The following CFAP100 variants were observed in gnomAD, a reference collection of about 807,000 sequenced individuals.
CFAP100 encodes the protein cilia- and flagella-associated protein 100.
A neutral mutation model predicts 81.5 loss-of-function variants in CFAP100; 70 were observed. That is an observed-to-expected ratio of 0.86 (90% CI 0.71 to 1.05). The LOEUF (loss-of-function observed/expected upper bound fraction) is 1.05. Among genes scored for constraint, CFAP100 ranks in the 50% least tolerant of loss-of-function variants. The pLI is 0.00. For synonymous variants in CFAP100, 341 were observed against 314.8 expected (o/e 1.08, Z -0.88); for missense variants, 811 against 776.5 (o/e 1.04, Z -0.53).
At position 126,436,379 on chromosome 3, in the gene CFAP100, A is replaced by G. The variant is rs936489338; in HGVS notation, c.1811A>G (p.Glu604Gly). ...CACACACTGATGGACAAGGAGGAGG[A>G]GGAGCTGCTATTTTTCTTTACTTAA... ...SEHTLMDKEE[E>G]ELLFFFT Residue 604 changes from glutamate to glycine, a missense_variant, in exon 17 of 17, where the codon GAG (glutamate) becomes GGG (glycine). Glu to Gly is a moderately conservative substitution (Grantham distance 98). Coordinates refer to ENST00000352312, the MANE Select transcript of CFAP100 (RefSeq NM_182628.3). 1.1e-5 allele frequency: 18 copies of G among 1,613,914 alleles called. No individual in the cohort carries two copies. The highest frequency in any genetic ancestry group is 1.4e-5 in the Non-Finnish European group (16 of 1,179,914).
chr3:126,417,417 C>A (rs2083261032), intron 5 of CFAP100, among the ~76,000 whole-genome samples: 1 of 152,196 alleles, frequency 6.6e-6, no homozygotes, highest in East Asian at 1.9e-4. Context: ...AGTCCTGGCG[C>A]ACAGGGGATT....
chr3:126,416,441 G>A lies in CFAP100; in HGVS notation c.351G>A (p.Ala117=). 6.2e-7 allele frequency: 1 copy of A among 1,610,684 alleles called. No homozygotes were observed. The change falls in exon 5 of 17, where the codon GCG becomes GCA. Residue 117 remains alanine, a synonymous_variant. Transcript: ENST00000352312. ...QLEDKQEDLE[A]RAEAEHQRAF... Reference sequence around the variant, plus strand: ...AGGACAAGCAGGAGGACCTGGAGGCGCGCGCCGAGGCCGAGCATCAGCGCG... The same window carrying A: ...AGGACAAGCAGGAGGACCTGGAGGCACGCGCCGAGGCCGAGCATCAGCGCG...
At chr3:126,430,900 T>C (rs1302053603) in intron 13 of CFAP100, among the ~76,000 whole-genome samples, 1 of 151,964 alleles carries the variant, frequency 6.6e-6, no homozygotes, top group East Asian at 1.9e-4. Context: ...TTCAGGCAGA[T>C]TGTAGATCTT....
intron 11 of CFAP100, among the ~76,000 whole-genome samples, chr3:126,422,269 G>A (rs953215823): frequency 1.3e-5 from 2 of 152,212 alleles, no homozygotes; most frequent in Non-Finnish European, 2.9e-5. Flanking sequence ...GCAGGCAGCC[G>A]GCTCTCTCAT....
chr3:126,427,312 T>C (rs534904854), intron 13 of CFAP100, among the ~76,000 whole-genome samples: 1 of 152,296 alleles, frequency 6.6e-6, no homozygotes, highest in African/African-American at 2.4e-5. Context: ...GTGAAATAGA[T>C]AATTGGAATA....
At chr3:126,427,371 G>A (rs1458244202) in intron 13 of CFAP100, among the ~76,000 whole-genome samples, 3 of 152,190 alleles carry the variant, frequency 2.0e-5, no homozygotes, top group East Asian at 3.8e-4. Flanking sequence ...ACACTCTGAG[G>A]TAATAAATGC....
rs146598925 is a variant in CFAP100 at position 126,423,682 on chromosome 3, G to A, written c.1286+38G>A. On this transcript the variant is annotated intron_variant, in intron 13 of 16. Coordinates refer to ENST00000352312, the MANE Select transcript of CFAP100 (RefSeq NM_182628.3). ...CGGTGGCCAGTGGGGGCTCCCTGCC[G>A]CTCTCATCCTGGGATCCCCCTAGCA... The A allele has an allele frequency of 8.5e-4, 1,375 of 1,611,514 alleles. 11 individuals are homozygous for A. In the African/African-American group the frequency reaches 0.015, roughly 18 times the overall value.
At chr3:126,400,747 G>C (rs532681652) in intron 2 of CFAP100, among the ~76,000 whole-genome samples, 1 of 149,002 alleles carries the variant, frequency 6.7e-6, no homozygotes. Context: ...GCGAGACTCC[G>C]TCTCAAAAAA....
chr3:126,411,302 G>C (rs1236031482), intron 3 of CFAP100, among the ~76,000 whole-genome samples: 2 of 146,900 alleles, frequency 1.4e-5, no homozygotes, highest in African/African-American at 5.0e-5. Flanking sequence ...GTTTTGTTGA[G>C]GATTTTTGCA....
chr3:126,435,026 G>A lies in CFAP100; in HGVS notation c.1629-533G>A, dbSNP rs544704006. Reference sequence around the variant, plus strand: ...GTGGGCAGCCCGGTTCATCCACCCCGTGCAGGGCTCTGAGACAGCGCAATC... The same window carrying A: ...GTGGGCAGCCCGGTTCATCCACCCCATGCAGGGCTCTGAGACAGCGCAATC... On this transcript the variant is annotated intron_variant, in intron 15 of 16. Coordinates refer to ENST00000352312, the MANE Select transcript of CFAP100 (RefSeq NM_182628.3). Among the ~76,000 whole-genome samples, 164 of 152,210 alleles carry A rather than the reference G, an allele frequency of 1.1e-3. 2 individuals are homozygous for A. Among genetic ancestry groups the A allele is most frequent in the Non-Finnish European group, 2.0e-3 (136 of 67,992 alleles).
At chr3:126,415,352 C>T (rs996905798) in intron 4 of CFAP100, among the ~76,000 whole-genome samples, 13 of 150,472 alleles carry the variant, frequency 8.6e-5, no homozygotes, top group Admixed American at 2.6e-4. Context: ...GTCTCCCACT[C>T]ACAACCTCCC....
intron 2 of CFAP100, among the ~76,000 whole-genome samples, chr3:126,397,550 G>T (rs925206216): frequency 6.6e-6 from 1 of 152,240 alleles, no homozygotes; most frequent in Non-Finnish European, 1.5e-5. Flanking sequence ...GGAGTGCCTA[G>T]TTGGGGTACC....
Position 126,419,623 on chromosome 3 carries a change from C to T in CFAP100, c.732-14C>T. Reference sequence around the variant, plus strand: ...ACCTCCTCCTTCCCACATCCTCACCCCGCCCCGGTGTAGTGAGATCTCCAG... The same window carrying T: ...ACCTCCTCCTTCCCACATCCTCACCTCGCCCCGGTGTAGTGAGATCTCCAG... On this transcript the variant is annotated splice_polypyrimidine_tract_variant and intron_variant, in intron 8 of 16. Transcript: ENST00000352312. The T allele has an allele frequency of 6.2e-7, 1 of 1,610,658 alleles. No individual in the cohort carries two copies. Among genetic ancestry groups the T allele is most frequent in the Non-Finnish European group, 8.5e-7 (1 of 1,177,894 alleles).
At chr3:126,428,729 G>A (rs752766948) in intron 13 of CFAP100, among the ~76,000 whole-genome samples, 13 of 152,134 alleles carry the variant, frequency 8.5e-5, no homozygotes, top group Non-Finnish European at 1.9e-4. Flanking sequence ...TTCTGGTGGT[G>A]TCTGTCTTTG....
At chr3:126,435,782 G>C (rs1024533194) in intron 16 of CFAP100, 130 bp downstream of exon 16, 78 of 692,686 alleles carry the variant, frequency 1.1e-4, no homozygotes, top group Admixed American at 4.1e-4. Flanking sequence ...AGGGAGACAG[G>C]CTGCCTTCGG....
Position 126,414,162 on chromosome 3 carries a change from C to G in CFAP100, c.208C>G (p.Arg70Gly), listed in dbSNP as rs982195903. 6.2e-7 allele frequency: 1 copy of G among 1,613,416 alleles called. No homozygotes were observed. Among genetic ancestry groups the G allele is most frequent in the South Asian group, 1.1e-5 (1 of 91,058 alleles). Reference protein sequence around the residue: ...VDFFLLRDQERNKALSERQQQ... With the variant: ...VDFFLLRDQEGNKALSERQQQ... ...TTTCTTCTTGCTCAGAGATCAGGAG[C>G]GGAATAAGGCTCTCTCCGTGAGTAT... Residue 70 changes from arginine to glycine, a missense_variant, in exon 4 of 17, where the codon CGG (arginine) becomes GGG (glycine). By Grantham distance (125) the Arg-to-Gly change is moderately radical. Coordinates refer to ENST00000352312, the MANE Select transcript of CFAP100 (RefSeq NM_182628.3).
chr3:126,401,928 G>C (rs1439838170), intron 2 of CFAP100, among the ~76,000 whole-genome samples: 1 of 152,144 alleles, frequency 6.6e-6, no homozygotes, highest in Non-Finnish European at 1.5e-5. Flanking sequence ...ATGACCCCAC[G>C]CTGTCACCAC....
At chr3:126,401,041 A>G (rs1460269770) in intron 2 of CFAP100, among the ~76,000 whole-genome samples, 1 of 152,216 alleles carries the variant, frequency 6.6e-6, no homozygotes, top group African/African-American at 2.4e-5. Flanking sequence ...GCTACAGTAC[A>G]AATGAGCTGG....
At chr3:126,405,849 G>A (rs1309017802) in intron 2 of CFAP100, among the ~76,000 whole-genome samples, 4 of 151,896 alleles carry the variant, frequency 2.6e-5, no homozygotes, top group South Asian at 2.1e-4. Context: ...GTGCAGTGGC[G>A]CAATTATGGT....
Sources: allele counts gnomAD v4.1 joint callset (sites outside exome capture counted in the v4.1 genomes callset), GRCh38; gene constraint gnomAD v4.1.1; transcripts MANE v1.5; gene names NCBI Gene and HGNC (gene_info 2026-07-23, HGNC 2026-07-21).